ZSWIM5: variants seen among roughly 807,000 people sequenced by gnomAD.
The protein encoded by ZSWIM5 is zinc finger SWIM-type containing 5, also known as zinc finger SWIM domain-containing protein 5.
In ZSWIM5, 55 loss-of-function variants were observed where a neutral mutation model predicts 119.6. The observed-to-expected ratio is 0.46, with a 90% CI of 0.37 to 0.58. ZSWIM5 has a LOEUF of 0.58. Ranked by LOEUF, ZSWIM5 falls within the 20% of genes least tolerant of loss-of-function variation. The pLI, the probability that ZSWIM5 is intolerant of heterozygous loss-of-function variation, is 0.00. For synonymous variants in ZSWIM5, 537 were observed against 606.9 expected (o/e 0.88, Z 1.69); for missense variants, 1,193 against 1,512.8 (o/e 0.79, Z 3.51).
chr1:45,185,300 G>A (rs1376654479), intron 1 of ZSWIM5, among the ~76,000 whole-genome samples: 1 of 150,364 alleles, frequency 6.7e-6, no homozygotes, highest in Non-Finnish European at 1.5e-5. Flanking sequence ...AAAAACCCTA[G>A]AAGAAAACCT....
At chr1:45,183,832 T>G (rs1646038535) in intron 1 of ZSWIM5, among the ~76,000 whole-genome samples, 1 of 152,208 alleles carries the variant, frequency 6.6e-6, no homozygotes. Context: ...AAGGATAAAC[T>G]GGTACCATTC....
intron 1 of ZSWIM5, among the ~76,000 whole-genome samples, chr1:45,166,068 A>G (rs1292978745): frequency 1.3e-5 from 2 of 152,206 alleles, no homozygotes; most frequent in African/African-American, 2.4e-5. Flanking sequence ...AAAATCCTCA[A>G]TAAAATACTG....
chr1:45,035,728 C>T lies in ZSWIM5; in HGVS notation c.2251G>A (p.Asp751Asn), dbSNP rs1644979148. The stretch of plus-strand genomic sequence containing the variant: ...GCTAATTTATAGGACAGGTCTGGAT[C>T]ATGAGGCAGCAGAGCTGAGAACAAA... ...KYLFSALLPHDPDLSYKLALR... is the reference protein window; with the variant it reads ...KYLFSALLPHNPDLSYKLALR... Residue 751 changes from aspartate to asparagine, a missense_variant, in exon 10 of 14, where the codon GAT becomes AAT. Asp to Asn is a conservative substitution (Grantham distance 23). Around this residue, in one of 2 missense-constraint regions of ZSWIM5, gnomAD observed 961 missense variants for 1,290.0 expected, o/e 0.74. Transcript: ENST00000359600. The T allele has an allele frequency of 6.2e-7, 1 of 1,613,790 alleles. No individual in the cohort carries two copies. The highest frequency in any genetic ancestry group is 1.3e-5 in the African/African-American group (1 of 74,866).
chr1:45,149,911 C>G (rs985363865), intron 1 of ZSWIM5, among the ~76,000 whole-genome samples: 3 of 151,976 alleles, frequency 2.0e-5, no homozygotes, highest in African/African-American at 7.2e-5. Flanking sequence ...TGGCTCACAC[C>G]TATAACTCCA....
chr1:45,034,709 T>C (rs536099598), intron 10 of ZSWIM5, among the ~76,000 whole-genome samples: 3 of 152,318 alleles, frequency 2.0e-5, no homozygotes, highest in Admixed American at 2.0e-4. Context: ...TCAAGAGCTA[T>C]CGGGTTGAAT....
In ZSWIM5 at chr1:45,060,133, C is replaced by T. The variant is rs1164069482; in HGVS notation, c.1067G>A (p.Gly356Asp). The T allele has an allele frequency of 6.2e-7, 1 of 1,614,198 alleles. No homozygotes were observed. Among genetic ancestry groups the T allele is most frequent in the Admixed American group, 1.7e-5 (1 of 60,024 alleles). ...KLFLSQGGYC[G>D]SGKQLNSMFA... The stretch of plus-strand genomic sequence containing the variant: ...CATTGAGTTGAGTTGCTTTCCAGAG[C>T]CACAGTAACCGCCCTGGGAGAGAAA... Residue 356 changes from glycine to aspartate, a missense_variant, in exon 3 of 14, where the codon GGC becomes GAC. Transcript: ENST00000359600.
intron 10 of ZSWIM5, among the ~76,000 whole-genome samples, chr1:45,034,976 T>C (rs1644974180): frequency 6.6e-6 from 1 of 152,058 alleles, no homozygotes; most frequent in Non-Finnish European, 1.5e-5. Context: ...TTTGTAGAGA[T>C]GGGGTTTCAC....
At chr1:45,084,227 C>T (rs1174746388) in intron 2 of ZSWIM5, among the ~76,000 whole-genome samples, 4 of 152,120 alleles carry the variant, frequency 2.6e-5, no homozygotes, top group African/African-American at 2.4e-5. Flanking sequence ...TTTTAAATAA[C>T]CAGATCTCAT....
chr1:45,021,565 T>A (rs1159609724), intron 11 of ZSWIM5, among the ~76,000 whole-genome samples: 2 of 152,224 alleles, frequency 1.3e-5, no homozygotes. Flanking sequence ...AAGACTGTTA[T>A]ATCTTATAAA....
At chr1:45,085,136 G>T (rs924493877) in intron 2 of ZSWIM5, among the ~76,000 whole-genome samples, 1 of 152,208 alleles carries the variant, frequency 6.6e-6, no homozygotes, top group Non-Finnish European at 1.5e-5. Flanking sequence ...TGTGGAAGCC[G>T]CCAAGGCTTA....
At position 45,204,843 on chromosome 1, in the gene ZSWIM5, A is replaced by G. The variant is rs74070900; in HGVS notation, c.595+913T>C. On this transcript the variant is annotated intron_variant, in intron 1 of 13. Coordinates refer to ENST00000359600, the MANE Select transcript of ZSWIM5 (RefSeq NM_020883.2). Reference sequence around the variant, plus strand: ...AAAAATTCGTGTTTTAATTTTCCACATAGCAAAGTCAATGTTAATCATTTT... The same window carrying G: ...AAAAATTCGTGTTTTAATTTTCCACGTAGCAAAGTCAATGTTAATCATTTT... Among the ~76,000 whole-genome samples, 1,016 of 152,332 alleles carry G rather than the reference A, an allele frequency of 6.7e-3. 10 individuals are homozygous for G. The highest frequency in any genetic ancestry group is 0.022 in the African/African-American group (907 of 41,582).
intron 1 of ZSWIM5, among the ~76,000 whole-genome samples, chr1:45,094,315 A>G (rs1645386130): frequency 6.6e-6 from 1 of 151,942 alleles, no homozygotes; most frequent in South Asian, 2.1e-4. Flanking sequence ...CAGCATCCCA[A>G]AGTACTGGGA....
chr1:45,181,696 C>T (rs1646020950), intron 1 of ZSWIM5, among the ~76,000 whole-genome samples: 1 of 151,902 alleles, frequency 6.6e-6, no homozygotes, highest in Non-Finnish European at 1.5e-5. Flanking sequence ...GTCAGGTTAC[C>T]CACAAAGGGA....
chr1:45,047,071 G>A (rs1370077904), intron 5 of ZSWIM5, among the ~76,000 whole-genome samples: 1 of 150,908 alleles, frequency 6.6e-6, no homozygotes, highest in Non-Finnish European at 1.5e-5. Context: ...AGATCCCTGG[G>A]CACTATGGCA....
At chr1:45,079,434 C>T (rs1212563266) in intron 2 of ZSWIM5, among the ~76,000 whole-genome samples, 1 of 152,144 alleles carries the variant, frequency 6.6e-6, no homozygotes, top group African/African-American at 2.4e-5. Context: ...AGGAGTACCG[C>T]CAGACTACCA....
intron 1 of ZSWIM5, among the ~76,000 whole-genome samples, chr1:45,145,973 T>A (rs1419040833): frequency 6.6e-6 from 1 of 152,144 alleles, no homozygotes; most frequent in Non-Finnish European, 1.5e-5. Flanking sequence ...AGTGATCAAC[T>A]ATACCAAAAA....
At chr1:45,120,153 G>A (rs973071217) in intron 1 of ZSWIM5, among the ~76,000 whole-genome samples, 1 of 152,282 alleles carries the variant, frequency 6.6e-6, no homozygotes, top group African/African-American at 2.4e-5. Flanking sequence ...AGACTAGCCT[G>A]GCCAACATGG....
rs544253596 is a variant in ZSWIM5 at position 45,117,866 on chromosome 1, T to C, written c.596-29629A>G. ...GAATGGCAAGTCAATCTATATCAGT[T>C]TGTATGAAAAAGCAGGTGTCAATCA... is the stretch of plus-strand genomic sequence containing the variant. On this transcript the variant is annotated intron_variant, in intron 1 of 13. Transcript: ENST00000359600. Among the ~76,000 whole-genome samples the C allele has an allele frequency of 3.9e-5, 6 of 152,274 alleles. No homozygotes were observed. In the East Asian group the frequency reaches 1.2e-3, roughly 29 times the overall value.
chr1:45,200,398 C>G (rs2149057263), intron 1 of ZSWIM5, among the ~76,000 whole-genome samples: 1 of 152,076 alleles, frequency 6.6e-6, no homozygotes, highest in East Asian at 1.9e-4. Context: ...ATAAATAAAC[C>G]ACAAGGTAAA....
Sources: gnomAD v4.1 joint callset for allele counts (sites outside exome capture counted in the v4.1 genomes callset) on GRCh38, gnomAD v4.1.1 for gene constraint, gnomAD v4.1.1 regional missense constraint, MANE v1.5 for transcripts, NCBI Gene and HGNC (gene_info 2026-07-23, HGNC 2026-07-21) for gene names.